The following AFDN variants were observed in gnomAD, a reference collection of about 807,000 sequenced individuals.
AFDN encodes afadin, adherens junction formation factor.
In AFDN, 68 loss-of-function variants were observed where a neutral mutation model predicts 216.6. The ratio of observed to expected loss-of-function variants is 0.31; its 90% CI spans 0.26 to 0.38. The LOEUF is 0.38. AFDN is among the 10% of genes least tolerant of loss of function. AFDN has a pLI of 1.00. For synonymous variants in AFDN, 868 were observed against 853.7 expected, an observed-to-expected ratio of 1.02 and a Z score of -0.29; for missense variants, 2,136 against 2,342.0, an observed-to-expected ratio of 0.91 and a Z score of 1.82.
chr6:167,832,486 A>T (rs1045203841), intron 1 of AFDN, among the ~76,000 whole-genome samples: 1 of 152,250 alleles, frequency 6.6e-6, no homozygotes, highest in Non-Finnish European at 1.5e-5. Context: ...TCTAGCAACC[A>T]TAAGAACATA....
chr6:167,917,441 T>G (rs1421247351), intron 20 of AFDN, among the ~76,000 whole-genome samples: 1 of 152,222 alleles, frequency 6.6e-6, no homozygotes, highest in Non-Finnish European at 1.5e-5. Flanking sequence ...GAAATTAGGT[T>G]CTTGGGAAGT....
At chr6:167,930,460 C>T (rs1474998281) in intron 23 of AFDN, among the ~76,000 whole-genome samples, 2 of 152,160 alleles carry the variant, frequency 1.3e-5, no homozygotes, top group Admixed American at 6.5e-5. Flanking sequence ...GTCTAAACTG[C>T]GCTCCAGAGT....
chr6:167,915,774 T>A (rs555568077), intron 19 of AFDN, among the ~76,000 whole-genome samples: 4 of 152,248 alleles, frequency 2.6e-5, no homozygotes, highest in Non-Finnish European at 5.9e-5. Flanking sequence ...TGTTTTCTGA[T>A]AATTTAATGT....
intron 22 of AFDN, chr6:167,923,264 A>AT (rs1792056205): frequency 5.5e-6 from 1 of 181,420 alleles, no homozygotes; most frequent in Admixed American, 6.2e-5. Context: ...ACCTTAAAAT[A>AT]TTTTCTTAAA....
In AFDN at chr6:167,951,562, A is replaced by T; in HGVS notation, c.4208A>T (p.Gln1403Leu). Residue 1403 changes from glutamine (Q) to leucine (L), a missense_variant, in exon 30 of 34, where the codon CAG (glutamine) becomes CTG (leucine). By Grantham distance (113) the Gln-to-Leu change is moderately radical. Around this residue, in one of 8 missense-constraint regions of AFDN, gnomAD observed 981 missense variants for 966.0 expected, o/e 1.02. Coordinates refer to ENST00000683244, the MANE Select transcript of AFDN (RefSeq NM_001386888.1). This position sits in a 1 kb window ranked among gnomAD's most constrained non-coding sequence, Gnocchi z 7.1. ...CTCCCACCACCCCCTTCCGCCAACC[A>T]GATAGGGCTGCCGTCTGCGCAGGTG... ...LPLPPPPSANQIGLPSAQVAA... is the reference protein window; with the variant it reads ...LPLPPPPSANLIGLPSAQVAA... 6.2e-7 allele frequency: 1 copy of T among 1,613,826 alleles called. No homozygotes were observed. The highest frequency in any genetic ancestry group is 8.5e-7 in the Non-Finnish European group (1 of 1,179,922).
rs200915346 is a variant in AFDN, at chr6:167,902,355, T to C, written c.1619T>C (p.Ile540Thr). Residue 540 changes from isoleucine (I) to threonine (T), a missense_variant, in exon 12 of 34, where the codon ATT becomes ACT. Around this residue, in one of 8 missense-constraint regions of AFDN, gnomAD observed 817 missense variants for 965.7 expected, o/e 0.85. Coordinates refer to ENST00000683244, the MANE Select transcript of AFDN (RefSeq NM_001386888.1). ...ACAACTTTTGATTTGGGAGGAGATA[T>C]TCATAGTGGGACAGCATTACCGACA... ...QETTFDLGGD[I>T]HSGTALPTSK... is the part of the protein sequence containing the mutation. 510 of 1,612,944 alleles carry C rather than the reference T, an allele frequency of 3.2e-4. No homozygotes were observed. The highest frequency in any genetic ancestry group is 3.3e-4 in the Non-Finnish European group (395 of 1,179,300).
chr6:167,946,289 C>T lies in AFDN; in HGVS notation c.3359-418C>T, dbSNP rs540855399. Among the ~76,000 whole-genome samples the T allele has an allele frequency of 4.1e-4, 62 of 152,350 alleles. 1 individual carries two copies. The highest frequency in any genetic ancestry group is 5.9e-4 in the Non-Finnish European group (40 of 68,038). On this transcript the variant is annotated intron_variant, in intron 26 of 33. Coordinates refer to ENST00000683244, the MANE Select transcript of AFDN (RefSeq NM_001386888.1). ...AGCAAGCAAAAAGGAGGAGAACTGA[C>T]AGAAGCGGCCGCCAGGAGCGGAAGG...
chr6:167,891,107 T>C, intron 8 of AFDN, 78 bp downstream of exon 8: 1 of 1,194,580 alleles, frequency 8.4e-7, no homozygotes, highest in East Asian at 2.7e-5. Flanking sequence ...CTAATGCATC[T>C]TCAAGTAGTC....
At chr6:167,907,028 A>C in intron 12 of AFDN, 143 bp from the exon 13 acceptor site, 1 of 631,488 alleles carries the variant, frequency 1.6e-6, no homozygotes, top group Non-Finnish European at 2.8e-6. Context: ...TAGTGTCCCC[A>C]GCATTGCTTT....
chr6:167,884,223 C>CA, intron 6 of AFDN, among the ~76,000 whole-genome samples: 1 of 152,348 alleles, frequency 6.6e-6, no homozygotes, highest in African/African-American at 2.4e-5. Flanking sequence ...GTACTTCCTT[C>CA]ACTAAAGTCT....
chr6:167,942,086 G>T (rs2128623468), intron 23 of AFDN, among the ~76,000 whole-genome samples: 1 of 151,594 alleles, frequency 6.6e-6, no homozygotes, highest in African/African-American at 2.4e-5. Context: ...GTTTGGTTTG[G>T]TTTGGTTTGT....
At chr6:167,881,578 G>A (rs1786114422) in intron 6 of AFDN, among the ~76,000 whole-genome samples, 2 of 152,178 alleles carry the variant, frequency 1.3e-5, no homozygotes, top group Admixed American at 6.5e-5. Flanking sequence ...AACTTTCTAA[G>A]GCAGTGTTGA....
rs1795643350 is a variant in AFDN at position 167,948,848 on chromosome 6, C to T, written c.3831+370C>T. On this transcript the variant is annotated intron_variant, in intron 29 of 33. Coordinates refer to ENST00000683244, the MANE Select transcript of AFDN (RefSeq NM_001386888.1). ...AGGGAAATGAGACAGACACAACAGA[C>T]ACAGCATGGTCAGTGCTGTGGGAGA... Among the ~76,000 whole-genome samples, 3 of 152,198 alleles carry T rather than the reference C, an allele frequency of 2.0e-5. No individual in the cohort carries two copies. In the South Asian group the frequency reaches 6.2e-4, roughly 31 times the overall value.
intron 5 of AFDN, among the ~76,000 whole-genome samples, chr6:167,879,461 T>C (rs1018553033): frequency 2.0e-5 from 3 of 152,188 alleles, no homozygotes; most frequent in Admixed American, 6.5e-5. Context: ...GTGAGAAAAT[T>C]GAGAGTTAAA....
chr6:167,864,557 G>T lies in AFDN; in HGVS notation c.112G>T (p.Glu38Ter). 1.2e-6 allele frequency: 2 copies of T among 1,607,702 alleles called. No individual in the cohort carries two copies. The highest frequency in any genetic ancestry group is 1.7e-6 in the Non-Finnish European group (2 of 1,177,712). Residue 38 changes from glutamate (E) to a stop codon, truncating the protein, a stop_gained, in exon 2 of 34, where the codon GAG becomes TAG. Coordinates refer to ENST00000683244, the MANE Select transcript of AFDN (RefSeq NM_001386888.1). LOFTEE classifies it high-confidence loss of function. ...FEISQPTEDLEFHGVMRFYFQ... is the reference protein window; with the variant it reads ...FEISQPTEDL ...CCATTTTGTTTTCTTTTAGGATTTG[G>T]AGTTCCATGGAGTGATGAGATTTTA... is the stretch of plus-strand genomic sequence containing the variant.
In AFDN at chr6:167,914,679, A is replaced by G; in HGVS notation, c.2240A>G (p.Asn747Ser). ...CACTGTCTTCAATCAGAACTTAATAATTACATGCCAGCCTTTCTAGATGAC... is the reference window on the plus strand; with the variant it reads ...CACTGTCTTCAATCAGAACTTAATAGTTACATGCCAGCCTTTCTAGATGAC... Reference protein sequence around the residue: ...LVHCLQSELNNYMPAFLDDPE... With the variant: ...LVHCLQSELNSYMPAFLDDPE... Residue 747 changes from asparagine to serine, a missense_variant, in exon 18 of 34, where the codon AAT becomes AGT. By Grantham distance (46) the Asn-to-Ser change is conservative. This residue lies in a region of AFDN where 817 missense variants were observed against 965.7 expected (regional missense o/e 0.85). Coordinates refer to ENST00000683244, the MANE Select transcript of AFDN (RefSeq NM_001386888.1). 1 of 1,613,602 alleles carries G rather than the reference A, an allele frequency of 6.2e-7. No individual in the cohort carries two copies. Among genetic ancestry groups the G allele is most frequent in the South Asian group, 1.1e-5 (1 of 91,078 alleles).
intron 23 of AFDN, among the ~76,000 whole-genome samples, chr6:167,928,572 A>G (rs1404048785): frequency 2.0e-5 from 3 of 152,168 alleles, no homozygotes; most frequent in African/African-American, 2.4e-5. Context: ...AAGGAGTGCA[A>G]AAGGTGTCAG....
At chr6:167,905,532 A>C (rs777028374) in intron 12 of AFDN, among the ~76,000 whole-genome samples, 1 of 151,942 alleles carries the variant, frequency 6.6e-6, no homozygotes, top group Non-Finnish European at 1.5e-5. Context: ...CCTTTTCTGG[A>C]CTCTGGTATG....
chr6:167,885,378 C>G (rs1191640628), intron 6 of AFDN, among the ~76,000 whole-genome samples: 2 of 152,150 alleles, frequency 1.3e-5, no homozygotes, highest in Non-Finnish European at 2.9e-5. Context: ...TATGTTTAAT[C>G]AATTTTTAGC....
Sources: allele counts gnomAD v4.1 joint callset (sites outside exome capture counted in the v4.1 genomes callset), GRCh38; gene constraint gnomAD v4.1.1; regional missense constraint gnomAD v4.1.1; non-coding constraint Gnocchi (gnomAD v3.1); transcripts MANE v1.5; gene names NCBI Gene and HGNC (gene_info 2026-07-23, HGNC 2026-07-21).